The following PHF21B variants were observed in gnomAD, a reference collection of about 807,000 sequenced individuals.
PHF21B encodes PHD finger protein 21B.
PHF21B carries 22 observed loss-of-function variants against 62.2 expected under a neutral mutation model. The observed-to-expected ratio is 0.35, with a 90% CI of 0.25 to 0.51. The LOEUF is 0.51. PHF21B is among the 20% of genes least tolerant of loss of function. The probability of loss-of-function intolerance (pLI) is 0.97; values close to 1 mark genes in which losing one functional copy is unlikely to be tolerated. For missense variants in PHF21B, 701 were observed against 707.9 expected, an observed-to-expected ratio of 0.99 and a Z score of 0.11; for synonymous variants, 341 against 314.7, an observed-to-expected ratio of 1.08 and a Z score of -0.88.
intron 2 of PHF21B, among the ~76,000 whole-genome samples, chr22:44,977,599 G>A (rs2072761734): frequency 6.6e-6 from 1 of 151,928 alleles, no homozygotes; most frequent in South Asian, 2.1e-4. Flanking sequence ...TGTTTTTTGG[G>A]ATGGGATCTT....
intron 5 of PHF21B, 99 bp from the exon 6 acceptor site, chr22:44,896,182 A>C: frequency 1.9e-4 from 248 of 1,327,248 alleles, no homozygotes; most frequent in Middle Eastern, 3.6e-4. Flanking sequence ...GCGATACCTC[A>C]TGGGTGCCCT....
intron 2 of PHF21B, among the ~76,000 whole-genome samples, chr22:44,999,354 C>T (rs1273809744): frequency 1.3e-5 from 2 of 152,004 alleles, no homozygotes; most frequent in African/African-American, 4.8e-5. Context: ...GAGGAGGAAA[C>T]CCCCCAGCTG....
intron 12 of PHF21B, among the ~76,000 whole-genome samples, chr22:44,884,311 CTGTG>C (rs1443867523): frequency 0.039 from 4,832 of 124,720 alleles, 296 homozygotes; most frequent in South Asian, 0.054. Context: ...ACCACCATCA[CTGTG>C]ATCAGCACCA....
chr22:44,931,202 G>A (rs1227343987), intron 2 of PHF21B, among the ~76,000 whole-genome samples: 1 of 152,218 alleles, frequency 6.6e-6, no homozygotes, highest in Admixed American at 6.5e-5. Flanking sequence ...TTACAGGCAT[G>A]AGCCACCATG....
At chr22:44,991,443 G>A (rs2073041026) in intron 2 of PHF21B, among the ~76,000 whole-genome samples, 1 of 152,268 alleles carries the variant, frequency 6.6e-6, no homozygotes, top group East Asian at 1.9e-4. Flanking sequence ...ACGACAGGCA[G>A]ACTTGTGACA....
chr22:44,900,447 C>T (rs572952098), intron 5 of PHF21B, among the ~76,000 whole-genome samples: 8 of 152,224 alleles, frequency 5.3e-5, no homozygotes, highest in Admixed American at 3.3e-4. Context: ...ATTACAGGCA[C>T]CCGCCACCAC....
chr22:44,983,441 G>T (rs2072879383), intron 2 of PHF21B, among the ~76,000 whole-genome samples: 1 of 152,122 alleles, frequency 6.6e-6, no homozygotes, highest in East Asian at 1.9e-4. Context: ...GCTTCAGCAT[G>T]AACCCCCACT....
rs762803420 is a variant in PHF21B at position 45,003,768 on chromosome 22, T to C, written c.120+4777A>G. 3.9e-5 allele frequency: 6 copies of C among 152,224 alleles called. No individual in the cohort carries two copies. The East Asian group carries it at 7.7e-4, about 20-fold the overall frequency. 9.4% of individuals were successfully genotyped at this position (152,224 alleles called of 1,614,324 possible). On this transcript the variant is annotated intron_variant, in intron 2 of 12. Coordinates refer to ENST00000313237, the MANE Select transcript of PHF21B (RefSeq NM_138415.5). ...CAAACGTCCACTCGTGGATGAACGG[T>C]TGGACAGAATGAGTTCTCTCTACAG...
chr22:44,888,742 C>T (rs906754125), intron 9 of PHF21B, among the ~76,000 whole-genome samples: 2 of 152,222 alleles, frequency 1.3e-5, no homozygotes, highest in African/African-American at 4.8e-5. Flanking sequence ...GAAGGAGGGG[C>T]AACACCCTCA....
intron 10 of PHF21B, among the ~76,000 whole-genome samples, chr22:44,886,225 C>T (rs1298303714): frequency 6.6e-6 from 1 of 152,008 alleles, no homozygotes; most frequent in Non-Finnish European, 1.5e-5. Flanking sequence ...CTGTCTTCCT[C>T]CCACGTCCAG....
intron 2 of PHF21B, among the ~76,000 whole-genome samples, chr22:44,939,502 G>A (rs150815174): frequency 6.6e-6 from 1 of 152,234 alleles, no homozygotes; most frequent in African/African-American, 2.4e-5. Context: ...CTTCCCAGGT[G>A]GGGGCGGCAG....
intron 2 of PHF21B, among the ~76,000 whole-genome samples, chr22:44,986,053 C>T (rs12160924): frequency 0.068 from 10,321 of 151,398 alleles, 406 homozygotes; most frequent in Middle Eastern, 0.14. Context: ...ACCACCACTA[C>T]CATCACAATG....
intron 2 of PHF21B, among the ~76,000 whole-genome samples, chr22:44,924,823 G>A (rs75446310): frequency 5.6e-4 from 85 of 152,330 alleles, no homozygotes; most frequent in Non-Finnish European, 1.0e-3. Flanking sequence ...CAAGAGAAGG[G>A]AAGGCACGTG....
intron 3 of PHF21B, among the ~76,000 whole-genome samples, chr22:44,918,368 T>A (rs59835949): frequency 6.6e-6 from 1 of 152,298 alleles, no homozygotes; most frequent in East Asian, 1.9e-4. Context: ...CGAGCTGGCG[T>A]CAATCACAGA....
In PHF21B at chr22:45,009,617, G is replaced by C; in HGVS notation, c.-68C>G. ...CTCCCGGGAAGTTGCGCGGCTCCGC[G>C]GGGGCCAGAGCGGGCGCGGGCGGAC... On this transcript the variant is annotated 5_prime_UTR_variant, in exon 1 of 13. Coordinates refer to ENST00000313237, the MANE Select transcript of PHF21B (RefSeq NM_138415.5). This position sits in a 1 kb window ranked among gnomAD's most constrained non-coding sequence, Gnocchi z 5.9. The C allele has an allele frequency of 6.8e-7, 1 of 1,468,506 alleles. No homozygotes were observed. The highest frequency in any genetic ancestry group is 9.0e-7 in the Non-Finnish European group (1 of 1,116,814). 91.0% of individuals were successfully genotyped at this position (1,468,506 alleles called of 1,614,324 possible).
At chr22:44,938,476 G>A (rs5766215) in intron 2 of PHF21B, among the ~76,000 whole-genome samples, 1 of 152,170 alleles carries the variant, frequency 6.6e-6, no homozygotes, top group Non-Finnish European at 1.5e-5. Context: ...CAAGTGGTCC[G>A]CCTGCCTTGG....
intron 3 of PHF21B, among the ~76,000 whole-genome samples, chr22:44,918,776 C>T (rs2071484225): frequency 6.6e-6 from 1 of 152,178 alleles, no homozygotes; most frequent in African/African-American, 2.4e-5. Flanking sequence ...GAGGTCCAGG[C>T]GGAAGGGAGA....
At chr22:44,963,630 G>A (rs2072468036) in intron 2 of PHF21B, among the ~76,000 whole-genome samples, 1 of 152,218 alleles carries the variant, frequency 6.6e-6, no homozygotes, top group Admixed American at 6.5e-5. Flanking sequence ...ACTCACCGCA[G>A]ACTTTGTTTT....
chr22:44,921,548 G>C (rs2071537702), intron 2 of PHF21B, among the ~76,000 whole-genome samples: 2 of 151,164 alleles, frequency 1.3e-5, no homozygotes, highest in South Asian at 4.2e-4. Flanking sequence ...TGTATTTTTA[G>C]TAGAGACGGG....
Sources: gnomAD v4.1 joint callset for allele counts (sites outside exome capture counted in the v4.1 genomes callset) on GRCh38, gnomAD v4.1.1 for gene constraint, Gnocchi (gnomAD v3.1) non-coding constraint, MANE v1.5 for transcripts, NCBI Gene and HGNC (gene_info 2026-07-23, HGNC 2026-07-21) for gene names.